The following KCNQ5 variants were observed in gnomAD, a reference collection of about 807,000 sequenced individuals.
The protein encoded by KCNQ5 is potassium voltage-gated channel subfamily KQT member 5.
A neutral mutation model predicts 98.2 loss-of-function variants in KCNQ5; 30 were observed. The ratio of observed to expected loss-of-function variants is 0.31; its 90% CI spans 0.23 to 0.41. The LOEUF (loss-of-function observed/expected upper bound fraction) is 0.41. KCNQ5 is among the 10% of genes least tolerant of loss of function. The pLI is 1.00. For missense variants in KCNQ5, 835 were observed against 1,182.5 expected, an observed-to-expected ratio of 0.71 and a Z score of 4.31; for synonymous variants, 458 against 449.4, an observed-to-expected ratio of 1.02 and a Z score of -0.24.
At chr6:73,126,251 C>T (rs965679748) in intron 9 of KCNQ5, among the ~76,000 whole-genome samples, 11 of 152,112 alleles carry the variant, frequency 7.2e-5, no homozygotes, top group Non-Finnish European at 1.5e-4. Context: ...CCTGAGAGTG[C>T]GATCACCCAT....
intron 11 of KCNQ5, among the ~76,000 whole-genome samples, chr6:73,186,273 T>C (rs1051496981): frequency 6.6e-6 from 1 of 152,112 alleles, no homozygotes; most frequent in African/African-American, 2.4e-5. Flanking sequence ...TTTTAAACAT[T>C]CCCTCCACAC....
chr6:73,124,644 C>T, intron 9 of KCNQ5, 132 bp downstream of exon 9: 1 of 817,594 alleles, frequency 1.2e-6, no homozygotes, highest in Non-Finnish European at 2.1e-6. Flanking sequence ...ACAAGATTGC[C>T]TGCAAAGATT....
At chr6:73,177,877 T>C (rs1296712670) in intron 11 of KCNQ5, among the ~76,000 whole-genome samples, 1 of 152,228 alleles carries the variant, frequency 6.6e-6, no homozygotes, top group African/African-American at 2.4e-5. Flanking sequence ...GTTTTGAAGG[T>C]AATTAGTTGT....
At chr6:72,914,638 A>C (rs1780061331) in intron 1 of KCNQ5, among the ~76,000 whole-genome samples, 1 of 151,054 alleles carries the variant, frequency 6.6e-6, no homozygotes. Flanking sequence ...ACAAGGAACA[A>C]ATTAAACAGG....
chr6:73,135,637 AG>A (rs1776439354), intron 10 of KCNQ5: 2 of 152,244 alleles, frequency 1.3e-5, no homozygotes, highest in Non-Finnish European at 2.9e-5. Flanking sequence ...GGTGGGAACC[AG>A]TCTTTGTTGA....
intron 1 of KCNQ5, among the ~76,000 whole-genome samples, chr6:72,924,074 A>G (rs1780520187): frequency 6.6e-6 from 1 of 152,196 alleles, no homozygotes; most frequent in East Asian, 1.9e-4. Flanking sequence ...TCAACTTGGG[A>G]GATTTTTATA....
chr6:72,677,857 T>TA (rs1767492423), intron 1 of KCNQ5, among the ~76,000 whole-genome samples: 1 of 152,344 alleles, frequency 6.6e-6, no homozygotes, highest in East Asian at 1.9e-4. Context: ...CATTTTTTGT[T>TA]ACACTGATGG....
rs1170456154 is a variant in KCNQ5 at position 73,077,832 on chromosome 6, A to G, written c.863A>G (p.Glu288Gly). The change falls in exon 5 of 14, where the codon GAA (glutamate) becomes GGA (glycine). Residue 288 changes from glutamate to glycine, a missense_variant. Glu to Gly is a moderately conservative substitution (Grantham distance 98, BLOSUM62 -2). Transcript: ENST00000370398. ...IFSSFLVYLV[E>G]KDANKEFSTY... ...TCGTCTTTCCTTGTCTATCTGGTGG[A>G]AAAGGATGCCAATAAAGAGTTTTCT... The G allele has an allele frequency of 6.2e-7, 1 of 1,611,580 alleles. No homozygotes were observed. The highest frequency in any genetic ancestry group is 8.5e-7 in the Non-Finnish European group (1 of 1,178,202).
At chr6:72,705,929 T>C (rs1377066759) in intron 1 of KCNQ5, among the ~76,000 whole-genome samples, 2 of 151,860 alleles carry the variant, frequency 1.3e-5, no homozygotes, top group African/African-American at 4.8e-5. Flanking sequence ...ATGAGATTTG[T>C]GTGTGTGTGT....
chr6:72,836,095 TTTTG>T (rs1415018183), intron 1 of KCNQ5, among the ~76,000 whole-genome samples: 1 of 152,196 alleles, frequency 6.6e-6, no homozygotes, highest in Admixed American at 6.5e-5. Flanking sequence ...TTCTTGTTAT[TTTTG>T]TTTGTTATTT....
intron 1 of KCNQ5, among the ~76,000 whole-genome samples, chr6:72,731,128 T>G (rs1770532115): frequency 6.6e-6 from 1 of 152,172 alleles, no homozygotes. Context: ...TTCCCACAGA[T>G]TAGAAGAAAC....
chr6:73,055,139 G>T, intron 3 of KCNQ5: 1 of 771,612 alleles, frequency 1.3e-6, no homozygotes, highest in East Asian at 2.5e-5. Context: ...CAGCGAGAGT[G>T]AGTGGAACCT....
At chr6:73,133,748 C>T in intron 10 of KCNQ5, 107 bp downstream of exon 10, 3 of 946,282 alleles carry the variant, frequency 3.2e-6, no homozygotes, top group Non-Finnish European at 4.9e-6. Flanking sequence ...AAGAAAACAA[C>T]CCCAGAGAAA....
chr6:72,625,519 T>A (rs1220904473), intron 1 of KCNQ5, among the ~76,000 whole-genome samples: 1 of 152,220 alleles, frequency 6.6e-6, no homozygotes, highest in African/African-American at 2.4e-5. Flanking sequence ...TTTTGAAGAA[T>A]AATGAGGGTA....
At chr6:72,955,942 A>G (rs1767021792) in intron 1 of KCNQ5, among the ~76,000 whole-genome samples, 2 of 151,998 alleles carry the variant, frequency 1.3e-5, no homozygotes, top group South Asian at 4.1e-4. Flanking sequence ...AAAACAAAAC[A>G]AAACAAACCC....
chr6:73,133,694 A>G, intron 10 of KCNQ5, 53 bp downstream of exon 10: 1 of 1,436,360 alleles, frequency 7.0e-7, no homozygotes, highest in Non-Finnish European at 9.8e-7. Flanking sequence ...ATAGTGAGTG[A>G]GATTATGAAG....
intron 1 of KCNQ5, among the ~76,000 whole-genome samples, chr6:72,722,876 G>T (rs370268667): frequency 2.3e-5 from 3 of 127,798 alleles, no homozygotes; most frequent in African/African-American, 6.3e-5. Context: ...TTTGAGACAC[G>T]TCTCTTTCTG....
chr6:72,705,476 G>A (rs1261930496), intron 1 of KCNQ5, among the ~76,000 whole-genome samples: 2 of 152,036 alleles, frequency 1.3e-5, no homozygotes, highest in Admixed American at 1.3e-4. Context: ...CTTAAAACAG[G>A]AAACTTTAAG....
chr6:72,680,630 T>G (rs1405521697), intron 1 of KCNQ5, among the ~76,000 whole-genome samples: 1 of 152,172 alleles, frequency 6.6e-6, no homozygotes, highest in Non-Finnish European at 1.5e-5. Context: ...AGATAACCAT[T>G]TTTTTACTCG....
Sources: allele counts gnomAD v4.1 joint callset (sites outside exome capture counted in the v4.1 genomes callset), GRCh38; gene constraint gnomAD v4.1.1; transcripts MANE v1.5; gene names NCBI Gene and HGNC (gene_info 2026-07-23, HGNC 2026-07-21).